Variants in GABRB1 observed in about 807,000 individuals in gnomAD.
GABRB1 encodes the protein gamma-aminobutyric acid type A receptor subunit beta1, also known as gamma-aminobutyric acid receptor subunit beta-1.
A neutral mutation model predicts 51.6 loss-of-function variants in GABRB1; 17 were observed. That is an observed-to-expected ratio of 0.33 (90% CI 0.23 to 0.49). The LOEUF (loss-of-function observed/expected upper bound fraction) is 0.49, where lower values mean the gene tolerates loss of function less well. GABRB1 is among the 20% of genes least tolerant of loss of function. The probability of loss-of-function intolerance (pLI) is 0.99; values close to 1 mark genes in which losing one functional copy is unlikely to be tolerated. For synonymous variants in GABRB1, 247 were observed against 218.9 expected, an observed-to-expected ratio of 1.13 and a Z score of -1.14; for missense variants, 410 against 600.6, an observed-to-expected ratio of 0.68 and a Z score of 3.32.
chr4:47,151,954 A>G (rs183886618), intron 3 of GABRB1, among the ~76,000 whole-genome samples: 16 of 152,172 alleles, frequency 1.1e-4, no homozygotes, highest in African/African-American at 3.4e-4. Context: ...TATCACTTTG[A>G]CATATCTCAA....
intron 1 of GABRB1, among the ~76,000 whole-genome samples, chr4:47,019,619 T>TC (rs1724851986): frequency 8.3e-5 from 9 of 108,036 alleles, no homozygotes; most frequent in Non-Finnish European, 1.7e-4. Flanking sequence ...CTTTCTTTCT[T>TC]TCTCTCTCTT....
chr4:47,181,847 G>T (rs1178173929), intron 4 of GABRB1, among the ~76,000 whole-genome samples: 2 of 151,986 alleles, frequency 1.3e-5, no homozygotes, highest in Admixed American at 6.6e-5. Flanking sequence ...AGCATCATGG[G>T]TTGTAATCAC....
At chr4:47,263,890 T>C (rs1170901306) in intron 4 of GABRB1, among the ~76,000 whole-genome samples, 4 of 152,118 alleles carry the variant, frequency 2.6e-5, no homozygotes, top group African/African-American at 9.7e-5. Context: ...TTCACACTTG[T>C]AATCCCAGCA....
At chr4:47,374,232 A>T (rs1316809999) in intron 5 of GABRB1, among the ~76,000 whole-genome samples, 1 of 152,132 alleles carries the variant, frequency 6.6e-6, no homozygotes, top group Non-Finnish European at 1.5e-5. Flanking sequence ...ACAAATAATA[A>T]AAGAAAATTA....
rs115899704 is a variant in GABRB1, at chr4:47,360,777, G to A, written c.544+40568G>A. ...GTTATTATATAGAGAGTAAAGTGGA[G>A]CATTGGGTCAAGAATCCACATAATT... On this transcript the variant is annotated intron_variant, in intron 5 of 8. Coordinates refer to ENST00000295454, the MANE Select transcript of GABRB1 (RefSeq NM_000812.4). Among the ~76,000 whole-genome samples the A allele has an allele frequency of 9.3e-3, 1,414 of 152,144 alleles. 22 individuals are homozygous for A. Among genetic ancestry groups the A allele is most frequent in the African/African-American group, 0.033 (1,358 of 41,524 alleles).
At chr4:47,109,073 C>T (rs1715108391) in intron 3 of GABRB1, among the ~76,000 whole-genome samples, 1 of 152,066 alleles carries the variant, frequency 6.6e-6, no homozygotes, top group Non-Finnish European at 1.5e-5. Flanking sequence ...AAACACTCTA[C>T]AAGTCTGATA....
chr4:47,347,937 C>T (rs896542108), intron 5 of GABRB1, among the ~76,000 whole-genome samples: 2 of 152,136 alleles, frequency 1.3e-5, no homozygotes, highest in African/African-American at 4.8e-5. Context: ...GAAATCATAT[C>T]AGTTATAAAA....
At chr4:47,174,922 TTCCTTCTTTCCTTCCTTCCC>T in intron 4 of GABRB1, among the ~76,000 whole-genome samples, 2 of 139,384 alleles carry the variant, frequency 1.4e-5, no homozygotes, top group African/African-American at 5.3e-5. Context: ...CCTTCCTTCC[TTCCTTCTTTCCTTCCTTCCC>T]TCCTCCTTCC....
chr4:47,264,655 G>T (rs894958905), intron 4 of GABRB1, among the ~76,000 whole-genome samples: 1 of 152,200 alleles, frequency 6.6e-6, no homozygotes, highest in Admixed American at 6.5e-5. Context: ...TGTTATTGAG[G>T]TATAATTTCC....
chr4:47,122,583 C>A (rs1197933124), intron 3 of GABRB1, among the ~76,000 whole-genome samples: 1 of 151,484 alleles, frequency 6.6e-6, no homozygotes, highest in African/African-American at 2.4e-5. Context: ...AAACTTAAGA[C>A]ACTGAGAGGA....
At chr4:47,059,053 A>G (rs1726738820) in intron 3 of GABRB1, among the ~76,000 whole-genome samples, 1 of 152,218 alleles carries the variant, frequency 6.6e-6, no homozygotes, top group African/African-American at 2.4e-5. Flanking sequence ...CTAATTTATC[A>G]TGGAGAAAAC....
chr4:47,402,493 C>G (rs1462490158), intron 5 of GABRB1, among the ~76,000 whole-genome samples: 1 of 152,126 alleles, frequency 6.6e-6, no homozygotes, highest in African/African-American at 2.4e-5. Flanking sequence ...TAAAATGTAT[C>G]TGTACATTCT....
rs145721899 is a variant in GABRB1, at chr4:46,996,684, C to G, written c.-20+2758C>G. Among the ~76,000 whole-genome samples, 547 of 152,210 alleles carry G rather than the reference C, an allele frequency of 3.6e-3. 2 individuals are homozygous for G. The highest frequency in any genetic ancestry group is 4.4e-3 in the Non-Finnish European group (300 of 67,990). On this transcript the variant is annotated intron_variant, in intron 1 of 3. Coordinates refer to the GABRB1 transcript ENST00000513567. ...TTAATGTGTGATAAAAATCTCTATC[C>G]CATTTTATAAGCTTCCCCATTGCCA...
chr4:47,204,772 C>T (rs1463666460), intron 4 of GABRB1, among the ~76,000 whole-genome samples: 1 of 152,148 alleles, frequency 6.6e-6, no homozygotes, highest in Non-Finnish European at 1.5e-5. Context: ...TTGCCTTCTG[C>T]CATGATTGTG....
intron 5 of GABRB1, among the ~76,000 whole-genome samples, chr4:47,398,890 A>G (rs1728281989): frequency 6.6e-6 from 1 of 152,102 alleles, no homozygotes; most frequent in African/African-American, 2.4e-5. Flanking sequence ...TCCCGGGTTC[A>G]CGCCATTCTC....
chr4:47,059,831 C>A (rs781721778), intron 3 of GABRB1, among the ~76,000 whole-genome samples: 6 of 152,166 alleles, frequency 3.9e-5, no homozygotes, highest in Non-Finnish European at 8.8e-5. Flanking sequence ...CTGACACATC[C>A]TCCAGATAGT....
chr4:47,124,512 C>G (rs1384343541), intron 3 of GABRB1, among the ~76,000 whole-genome samples: 1 of 152,066 alleles, frequency 6.6e-6, no homozygotes. Context: ...TGTAACTAAT[C>G]CTAAAGAAAC....
chr4:47,141,803 A>G (rs1166977920), intron 3 of GABRB1, among the ~76,000 whole-genome samples: 1 of 151,948 alleles, frequency 6.6e-6, no homozygotes, highest in East Asian at 1.9e-4. Flanking sequence ...TATCTATTGC[A>G]CAAAAAATCA....
chr4:47,028,904 T>A (rs371928330), upstream of GABRB1, among the ~76,000 whole-genome samples: 1 of 149,924 alleles, frequency 6.7e-6, no homozygotes, highest in African/African-American at 2.4e-5. Flanking sequence ...ATGTACATAA[T>A]ATATCTTTTG....
Sources: gnomAD v4.1 joint callset for allele counts (sites outside exome capture counted in the v4.1 genomes callset) on GRCh38, gnomAD v4.1.1 for gene constraint, MANE v1.5 for transcripts, NCBI Gene and HGNC (gene_info 2026-07-23, HGNC 2026-07-21) for gene names.